Variants in EPC2 observed in about 807,000 individuals in gnomAD.
The protein encoded by EPC2 is enhancer of polycomb homolog 2.
Under a neutral mutation model 92.1 loss-of-function variants are expected in EPC2, and 14 were observed. The observed-to-expected ratio is 0.15, with a 90% CI of 0.10 to 0.24. The LOEUF is 0.24. Ranked by LOEUF, EPC2 falls within the 10% of genes least tolerant of loss-of-function variation. EPC2 has a pLI of 1.00. For synonymous variants in EPC2, 340 were observed against 334.7 expected, an observed-to-expected ratio of 1.02 and a Z score of -0.17; for missense variants, 755 against 971.5, an observed-to-expected ratio of 0.78 and a Z score of 2.96.
At chr2:148,725,980 C>T (rs1242464554) in intron 2 of EPC2, among the ~76,000 whole-genome samples, 2 of 152,106 alleles carry the variant, frequency 1.3e-5, no homozygotes, top group Admixed American at 6.5e-5. Context: ...ACCCTCCAGC[C>T]GCTGGCAACC....
chr2:148,687,142 C>T (rs910585129), intron 1 of EPC2, among the ~76,000 whole-genome samples: 1 of 152,250 alleles, frequency 6.6e-6, no homozygotes, highest in African/African-American at 2.4e-5. Flanking sequence ...CTTGCTGCCT[C>T]ACCTTGCGCT....
intron 3 of EPC2, among the ~76,000 whole-genome samples, chr2:148,749,063 A>G (rs1460126371): frequency 6.6e-6 from 1 of 152,106 alleles, no homozygotes; most frequent in Admixed American, 6.6e-5. Context: ...CCTCTAATGT[A>G]CCATACCTTT....
At chr2:148,666,989 T>C (rs1681069065) in intron 1 of EPC2, among the ~76,000 whole-genome samples, 1 of 152,082 alleles carries the variant, frequency 6.6e-6, no homozygotes, top group African/African-American at 2.4e-5. Context: ...GAGTGCCAAC[T>C]ATGTAAATGA....
At chr2:148,685,724 G>A (rs7605777) in intron 1 of EPC2, among the ~76,000 whole-genome samples, 1,527 of 152,300 alleles carry the variant, frequency 0.01, 28 homozygotes, top group East Asian at 0.08. Context: ...CCAAGATTGC[G>A]CCACTGCACT....
intron 6 of EPC2, among the ~76,000 whole-genome samples, chr2:148,763,236 A>G (rs1683335758): frequency 6.6e-6 from 1 of 152,106 alleles, no homozygotes; most frequent in African/African-American, 2.4e-5. Context: ...TGTCATCATC[A>G]TTTCCAGAGC....
rs1157067652 is a variant in EPC2 at position 148,786,302 on chromosome 2, T to C, written c.2352-3T>C. ...TATTTTATCCTTTGCCTTATTACCA[T>C]AGAGAGAACCACGAACCAGAAAGAT... is the stretch of plus-strand genomic sequence containing the variant. On this transcript the variant is annotated splice_region_variant and splice_polypyrimidine_tract_variant and intron_variant, in intron 13 of 13. Transcript: ENST00000258484. 2 of 1,610,040 alleles carry C rather than the reference T, an allele frequency of 1.2e-6. No individual in the cohort carries two copies. Among genetic ancestry groups the C allele is most frequent in the East Asian group, 2.2e-5 (1 of 44,816 alleles).
At chr2:148,720,967 A>C (rs139804564) in intron 2 of EPC2, among the ~76,000 whole-genome samples, 1 of 152,154 alleles carries the variant, frequency 6.6e-6, no homozygotes, top group East Asian at 1.9e-4. Flanking sequence ...CATTAAGACT[A>C]TATCTGTCTG....
intron 4 of EPC2, among the ~76,000 whole-genome samples, chr2:148,761,510 T>G (rs960594128): frequency 3.9e-5 from 6 of 152,214 alleles, no homozygotes; most frequent in African/African-American, 1.4e-4. Flanking sequence ...GGTGGACATT[T>G]TTTGTTTGTT....
intron 1 of EPC2, among the ~76,000 whole-genome samples, chr2:148,672,245 T>C (rs1414501948): frequency 6.6e-6 from 1 of 152,238 alleles, no homozygotes; most frequent in Non-Finnish European, 1.5e-5. Context: ...GTCTCTTTTG[T>C]CTGATAGAAG....
At chr2:148,700,788 T>C (rs1681861213) in intron 2 of EPC2, among the ~76,000 whole-genome samples, 1 of 152,022 alleles carries the variant, frequency 6.6e-6, no homozygotes, top group South Asian at 2.1e-4. Context: ...CTTGTCTTTC[T>C]ATATGAACTA....
At chr2:148,657,377 A>C (rs10497038) in intron 1 of EPC2, among the ~76,000 whole-genome samples, 22,810 of 152,044 alleles carry the variant, frequency 0.15, 2,521 homozygotes, top group East Asian at 0.46. Flanking sequence ...AAGGCTTTCA[A>C]AATACCTCCC....
chr2:148,786,486 A>AT lies in EPC2; in HGVS notation c.*110dup. On this transcript the variant is annotated 3_prime_UTR_variant, in exon 14 of 14. Coordinates refer to ENST00000258484, the MANE Select transcript of EPC2 (RefSeq NM_015630.4). ...TCACAGAGTGTAACAATGGACCTAA[A>AT]TGGACTATAGTATATTGGATGTTAA... 2 of 826,870 alleles carry AT rather than the reference A, an allele frequency of 2.4e-6. No homozygotes were observed. The highest frequency in any genetic ancestry group is 4.0e-6 in the Non-Finnish European group (2 of 502,184). 51.2% of individuals were successfully genotyped at this position (826,870 alleles called of 1,614,324 possible).
chr2:148,693,864 C>G (rs749689190), intron 2 of EPC2, among the ~76,000 whole-genome samples: 1 of 152,174 alleles, frequency 6.6e-6, no homozygotes, highest in Non-Finnish European at 1.5e-5. Flanking sequence ...CAGCATTGTT[C>G]TTGGTACTGT....
intron 2 of EPC2, among the ~76,000 whole-genome samples, chr2:148,733,222 C>G (rs1196444441): frequency 6.6e-6 from 1 of 151,762 alleles, no homozygotes; most frequent in Non-Finnish European, 1.5e-5. Context: ...TAGAGGAAAC[C>G]ATACCACAAA....
intron 1 of EPC2, among the ~76,000 whole-genome samples, chr2:148,653,691 C>G (rs946926731): frequency 6.6e-6 from 1 of 151,658 alleles, no homozygotes; most frequent in African/African-American, 2.4e-5. Flanking sequence ...ATCTTTGCTT[C>G]CCTGCTTGCT....
intron 2 of EPC2, 58 bp downstream of exon 2, chr2:148,690,431 A>G: frequency 6.9e-7 from 1 of 1,451,122 alleles, no homozygotes; most frequent in Non-Finnish European, 9.2e-7. Context: ...ACCAGTGGAA[A>G]TCTTTTCTTT....
At chr2:148,772,533 A>G (rs1366698563) in intron 10 of EPC2, among the ~76,000 whole-genome samples, 3 of 152,174 alleles carry the variant, frequency 2.0e-5, no homozygotes, top group Non-Finnish European at 4.4e-5. Context: ...TAGCTACTGA[A>G]CTGCCTGTTT....
chr2:148,688,984 G>A (rs767879502), intron 1 of EPC2, among the ~76,000 whole-genome samples: 25 of 152,138 alleles, frequency 1.6e-4, no homozygotes, highest in Non-Finnish European at 3.7e-4. Context: ...AATGCTAGAG[G>A]AGGAGTACTC....
chr2:148,782,961 A>G (rs2105441834), intron 11 of EPC2, among the ~76,000 whole-genome samples: 1 of 152,302 alleles, frequency 6.6e-6, no homozygotes, highest in East Asian at 1.9e-4. Context: ...AGTTCAGCCC[A>G]TTCTCAAAGG....
Sources: gnomAD v4.1 joint callset for allele counts (sites outside exome capture counted in the v4.1 genomes callset) on GRCh38, gnomAD v4.1.1 for gene constraint, MANE v1.5 for transcripts, NCBI Gene and HGNC (gene_info 2026-07-23, HGNC 2026-07-21) for gene names.